MTREX: variants seen among roughly 807,000 people sequenced by gnomAD.
MTREX encodes the protein Mtr4 exosome RNA helicase, also known as exosome RNA helicase MTR4.
A neutral mutation model predicts 135.4 loss-of-function variants in MTREX; 76 were observed. The observed-to-expected ratio is 0.56, with a 90% CI of 0.47 to 0.68. The LOEUF (loss-of-function observed/expected upper bound fraction) is 0.68. Among genes scored for constraint, MTREX ranks in the 30% least tolerant of loss-of-function variants. The pLI, the probability that MTREX is intolerant of heterozygous loss-of-function variation, is 0.00. For synonymous variants in MTREX, 404 were observed against 401.6 expected (o/e 1.01, Z -0.07); for missense variants, 920 against 1,262.1 (o/e 0.73, Z 4.11).
intron 16 of MTREX, 101 bp downstream of exon 16, chr5:55,366,976 A>G (rs1332067287): frequency 1.3e-5 from 12 of 939,270 alleles, no homozygotes; most frequent in Non-Finnish European, 1.7e-5. Flanking sequence ...TGTAAGGTAA[A>G]TTTTGGTTCA....
intron 3 of MTREX, chr5:55,324,424 CTTTTTTTTTTTTTTTTTTTTTTTTTT>C (rs10592726): frequency 2.5e-3 from 42 of 17,000 alleles, no homozygotes; most frequent in Admixed American, 1.9e-3. Flanking sequence ...CTTATTTTAA[CTTTTTTTTTTTTTTTTTTTTTTTTTT>C]TTTTTTTTTT....
At chr5:55,332,081 C>CA (rs1749487855) in intron 5 of MTREX, among the ~76,000 whole-genome samples, 1 of 152,080 alleles carries the variant, frequency 6.6e-6, no homozygotes. Flanking sequence ...TCTTGCTACT[C>CA]AAAGTATAGT....
chr5:55,419,971 C>A (rs1484538564), intron 25 of MTREX, among the ~76,000 whole-genome samples: 1 of 152,140 alleles, frequency 6.6e-6, no homozygotes, highest in Non-Finnish European at 1.5e-5. Flanking sequence ...TAAAAGTATT[C>A]TTGCTGATAA....
chr5:55,318,706 A>G (rs1355287952), intron 1 of MTREX, among the ~76,000 whole-genome samples: 2 of 152,164 alleles, frequency 1.3e-5, no homozygotes, highest in Non-Finnish European at 2.9e-5. Context: ...ATGTACAACA[A>G]ACCCCCATGA....
intron 12 of MTREX, 126 bp from the exon 13 acceptor site, chr5:55,350,793 C>A: frequency 1.2e-6 from 1 of 803,154 alleles, no homozygotes; most frequent in Non-Finnish European, 1.9e-6. Context: ...TGCTTTTATT[C>A]TGGAAAGATT....
chr5:55,319,673 C>T (rs1354302666), intron 1 of MTREX, among the ~76,000 whole-genome samples: 1 of 152,214 alleles, frequency 6.6e-6, no homozygotes, highest in East Asian at 1.9e-4. Flanking sequence ...TACAACACTT[C>T]ATTTCCAGCC....
intron 22 of MTREX, among the ~76,000 whole-genome samples, chr5:55,407,904 C>T (rs932162329): frequency 6.6e-6 from 1 of 151,950 alleles, no homozygotes; most frequent in Admixed American, 6.6e-5. Flanking sequence ...TAAGTGTGTG[C>T]CATCAAGCCT....
chr5:55,393,719 C>T (rs1750604527), intron 19 of MTREX, among the ~76,000 whole-genome samples: 1 of 152,152 alleles, frequency 6.6e-6, no homozygotes, highest in Non-Finnish European at 1.5e-5. Flanking sequence ...AAGACCAGTG[C>T]TGCATCATGT....
chr5:55,377,890 C>T (rs972656073), intron 16 of MTREX, among the ~76,000 whole-genome samples: 1 of 151,738 alleles, frequency 6.6e-6, no homozygotes, highest in African/African-American at 2.4e-5. Context: ...AGAGACTGAC[C>T]TAAAAAAATT....
chr5:55,367,127 A>G (rs1332263794), intron 16 of MTREX, among the ~76,000 whole-genome samples: 1 of 152,198 alleles, frequency 6.6e-6, no homozygotes, highest in Non-Finnish European at 1.5e-5. Flanking sequence ...CATATATGTC[A>G]TATAACTCAT....
intron 14 of MTREX, among the ~76,000 whole-genome samples, chr5:55,355,639 C>T (rs1749899346): frequency 6.6e-6 from 1 of 152,188 alleles, no homozygotes; most frequent in Non-Finnish European, 1.5e-5. Flanking sequence ...ATGCTGTTGC[C>T]CTACCACCAG....
At position 55,328,277 on chromosome 5, in the gene MTREX, C is replaced by T. The variant is rs149736675; in HGVS notation, c.403-422C>T. 6.4e-3 allele frequency among the ~76,000 whole-genome samples: 972 copies of T among 152,256 alleles called. 6 individuals carry two copies. Among genetic ancestry groups the T allele is most frequent in the Non-Finnish European group, 0.011 (724 of 68,008 alleles). Reference sequence around the variant, plus strand: ...TAATAGATGTAATATTCTGCCTCTACGGAGTGAACTTTACTGAGAGACTTT... The same window carrying T: ...TAATAGATGTAATATTCTGCCTCTATGGAGTGAACTTTACTGAGAGACTTT... On this transcript the variant is annotated intron_variant, in intron 4 of 26. Coordinates refer to ENST00000230640, the MANE Select transcript of MTREX (RefSeq NM_015360.5).
intron 19 of MTREX, among the ~76,000 whole-genome samples, chr5:55,395,459 A>G (rs1454438543): frequency 6.6e-6 from 1 of 152,164 alleles, no homozygotes; most frequent in African/African-American, 2.4e-5. Flanking sequence ...CCATTAGGCA[A>G]CTACCACAAA....
chr5:55,414,342 A>G (rs1256096807), intron 24 of MTREX, 104 bp downstream of exon 24: 2 of 919,126 alleles, frequency 2.2e-6, no homozygotes, highest in African/African-American at 1.7e-5. Flanking sequence ...CATTTCACAG[A>G]GATAACCTAT....
chr5:55,337,829 A>G (rs1749578143), intron 5 of MTREX, among the ~76,000 whole-genome samples: 1 of 150,290 alleles, frequency 6.7e-6, no homozygotes, highest in Admixed American at 6.6e-5. Flanking sequence ...ATTGCCTTCT[A>G]TTTTGTTTAA....
intron 1 of MTREX, among the ~76,000 whole-genome samples, chr5:55,320,178 A>T (rs1749264348): frequency 1.3e-5 from 2 of 152,060 alleles, no homozygotes; most frequent in African/African-American, 2.4e-5. Flanking sequence ...AAGGTTGTTC[A>T]AGCATATGGA....
chr5:55,365,018 C>G (rs1750078136), intron 15 of MTREX, among the ~76,000 whole-genome samples: 1 of 152,208 alleles, frequency 6.6e-6, no homozygotes, highest in Non-Finnish European at 1.5e-5. Context: ...TAAGTTGGAA[C>G]TATGCTGGGC....
At chr5:55,375,010 CCAG>C (rs1750272445) in intron 16 of MTREX, among the ~76,000 whole-genome samples, 1 of 152,150 alleles carries the variant, frequency 6.6e-6, no homozygotes, top group Admixed American at 6.5e-5. Context: ...GCCACAAAAA[CCAG>C]CAAGTTTTTA....
At chr5:55,361,284 A>T (rs1485391786) in intron 15 of MTREX, among the ~76,000 whole-genome samples, 2 of 152,174 alleles carry the variant, frequency 1.3e-5, no homozygotes, top group African/African-American at 2.4e-5. Context: ...TAGTCACCTT[A>T]TATGTAGAAA....
Sources: allele counts gnomAD v4.1 joint callset (sites outside exome capture counted in the v4.1 genomes callset), GRCh38; gene constraint gnomAD v4.1.1; transcripts MANE v1.5; gene names NCBI Gene and HGNC (gene_info 2026-07-23, HGNC 2026-07-21).